Variants in SEL1L2 observed in about 807,000 individuals in gnomAD.
SEL1L2 encodes SEL1L2 adaptor subunit of SYVN1 ubiquitin ligase, also known as protein sel-1 homolog 2.
A neutral mutation model predicts 98.8 loss-of-function variants in SEL1L2; 89 were observed. The ratio of observed to expected loss-of-function variants is 0.90; its 90% CI spans 0.76 to 1.07. The LOEUF (loss-of-function observed/expected upper bound fraction) is 1.07. Among genes scored for constraint, SEL1L2 ranks in the 50% least tolerant of loss-of-function variants. The pLI is 0.00. For missense variants in SEL1L2, 788 were observed against 812.0 expected, an observed-to-expected ratio of 0.97 and a Z score of 0.36; for synonymous variants, 262 against 278.5, an observed-to-expected ratio of 0.94 and a Z score of 0.59.
At chr20:13,863,460 G>C (rs1248610848) in intron 17 of SEL1L2, among the ~76,000 whole-genome samples, 2 of 152,146 alleles carry the variant, frequency 1.3e-5, no homozygotes, top group African/African-American at 4.8e-5. Context: ...ACAGGGCAGT[G>C]ACTGAGTCCT....
intron 19 of SEL1L2, among the ~76,000 whole-genome samples, 195 bp from the exon 20 acceptor site, chr20:13,849,799 C>G (rs536840919): frequency 6.6e-6 from 1 of 152,276 alleles, no homozygotes; most frequent in African/African-American, 2.4e-5. Flanking sequence ...AGAATAACCC[C>G]AAAGATTTAG....
intron 5 of SEL1L2, among the ~76,000 whole-genome samples, chr20:13,889,190 T>C (rs1305914876): frequency 6.6e-6 from 1 of 151,016 alleles, no homozygotes; most frequent in East Asian, 2.0e-4. Flanking sequence ...GCTGACCAGA[T>C]GGGGTTTCAT....
chr20:13,952,715 C>T (rs1031572699), intron 2 of SEL1L2, among the ~76,000 whole-genome samples: 4 of 151,552 alleles, frequency 2.6e-5, no homozygotes, highest in Non-Finnish European at 5.9e-5. Context: ...GCATCCTGAA[C>T]CCCTGGGACT....
intron 5 of SEL1L2, among the ~76,000 whole-genome samples, chr20:13,912,406 T>C (rs1230849813): frequency 6.7e-6 from 1 of 150,326 alleles, no homozygotes; most frequent in African/African-American, 2.4e-5. Flanking sequence ...CAAGCAATTC[T>C]CCTCCTCAGC....
chr20:13,959,589 G>A (rs182843784), intron 1 of SEL1L2, among the ~76,000 whole-genome samples: 2 of 152,082 alleles, frequency 1.3e-5, no homozygotes, highest in East Asian at 3.8e-4. Flanking sequence ...TGTCTCATCC[G>A]CCATATTCAC....
intron 1 of SEL1L2, among the ~76,000 whole-genome samples, chr20:13,968,828 C>T (rs186184029): frequency 3.9e-4 from 59 of 152,156 alleles, no homozygotes; most frequent in Middle Eastern, 3.4e-3. Flanking sequence ...TACAATAGCT[C>T]GACATTAAAT....
intron 3 of SEL1L2, among the ~76,000 whole-genome samples, chr20:13,926,041 G>A (rs1204381910): frequency 2.0e-5 from 3 of 152,320 alleles, no homozygotes; most frequent in African/African-American, 4.8e-5. Context: ...CTTCAGGGCC[G>A]GGAGCCGTGG....
intron 9 of SEL1L2, 139 bp from the exon 10 acceptor site, chr20:13,885,542 A>C: frequency 1.5e-6 from 1 of 657,378 alleles, no homozygotes. Context: ...GAAACATTCC[A>C]GACTATATCA....
intron 5 of SEL1L2, among the ~76,000 whole-genome samples, chr20:13,909,915 G>C (rs1235825769): frequency 1.3e-5 from 2 of 152,060 alleles, no homozygotes; most frequent in African/African-American, 2.4e-5. Context: ...AGGTTGCAGC[G>C]AGCCAAGATC....
intron 2 of SEL1L2, among the ~76,000 whole-genome samples, chr20:13,955,479 T>G (rs534565535): frequency 8.6e-5 from 13 of 151,836 alleles, no homozygotes; most frequent in African/African-American, 3.1e-4. Flanking sequence ...GTATATGCAA[T>G]AACATCAAGA....
In SEL1L2 at chr20:13,859,250, C is replaced by G. The variant is rs1189646958; in HGVS notation, c.1818+12G>C. 1.2e-6 allele frequency: 2 copies of G among 1,612,500 alleles called. No individual in the cohort carries two copies. Among genetic ancestry groups the G allele is most frequent in the African/African-American group, 2.7e-5 (2 of 74,874 alleles). On this transcript the variant is annotated intron_variant, in intron 18 of 19. Transcript: ENST00000284951. ...GTCATTACTAGGTTTGAATTATTAC[C>G]AGCAAAATTACCTTTGTGATGCCTA... is the stretch of plus-strand genomic sequence containing the variant.
intron 17 of SEL1L2, among the ~76,000 whole-genome samples, chr20:13,861,611 T>C (rs926425254): frequency 3.9e-5 from 6 of 152,208 alleles, no homozygotes; most frequent in Non-Finnish European, 5.9e-5. Flanking sequence ...AATTTTAGAA[T>C]ATTTTAATCG....
chr20:13,939,035 G>GTT lies in SEL1L2; in HGVS notation c.115-7266_115-7265dup, dbSNP rs779584914. Among the ~76,000 whole-genome samples, 295 of 31,430 alleles carry GTT rather than the reference G, an allele frequency of 9.4e-3. 26 individuals are homozygous for GTT. The highest frequency in any genetic ancestry group is 0.084 in the South Asian group (69 of 822). The allele number at this position is 31,430 out of a possible 152,430, so 20.6% of individuals were successfully genotyped here. ...TTTTTTCTTTTTGGTTTGTTTGCTT[G>GTT]TTTTGTTTTTTTTTTTTTTTTTTTC... On this transcript the variant is annotated intron_variant, in intron 2 of 19. Coordinates refer to ENST00000284951, the MANE Select transcript of SEL1L2 (RefSeq NM_025229.2).
intron 5 of SEL1L2, among the ~76,000 whole-genome samples, chr20:13,902,510 T>C (rs2047726527): frequency 6.6e-6 from 1 of 152,192 alleles, no homozygotes; most frequent in South Asian, 2.1e-4. Context: ...GCGATCATTA[T>C]TCATTTTGGT....
intron 1 of SEL1L2, among the ~76,000 whole-genome samples, chr20:13,970,151 C>T (rs1252353467): frequency 6.6e-6 from 1 of 151,854 alleles, no homozygotes; most frequent in African/African-American, 2.4e-5. Flanking sequence ...AAAATTTAAC[C>T]AAACTGCCTT....
At chr20:13,861,683 G>C (rs2147784781) in intron 17 of SEL1L2, among the ~76,000 whole-genome samples, 1 of 152,180 alleles carries the variant, frequency 6.6e-6, no homozygotes, top group South Asian at 2.1e-4. Context: ...GTAAAATCAA[G>C]TTATGTTATT....
At chr20:13,913,522 AC>A (rs2148188563) in intron 5 of SEL1L2, 1 of 311,118 alleles carries the variant, frequency 3.2e-6, no homozygotes, top group African/African-American at 2.1e-5. Flanking sequence ...AATCATGCAA[AC>A]ATGTCACCCT....
At position 13,936,748 on chromosome 20, in the gene SEL1L2, G is replaced by A. The variant is rs192895143; in HGVS notation, c.115-4977C>T. ...GTTTAGCTAGCTCTATGTATATTAA[G>A]CCCTTTTTCTATTGCAATTCCCCTG... is the stretch of plus-strand genomic sequence containing the variant. On this transcript the variant is annotated intron_variant, in intron 2 of 19. Coordinates refer to ENST00000284951, the MANE Select transcript of SEL1L2 (RefSeq NM_025229.2). Among the ~76,000 whole-genome samples, 11 of 152,254 alleles carry A rather than the reference G, an allele frequency of 7.2e-5. No homozygotes were observed. In the East Asian group the frequency reaches 1.9e-3, roughly 27 times the overall value.
intron 2 of SEL1L2, among the ~76,000 whole-genome samples, chr20:13,935,310 AAACC>A (rs1324009264): frequency 6.6e-6 from 1 of 152,350 alleles, no homozygotes; most frequent in South Asian, 2.1e-4. Context: ...GGATACAGCC[AAACC>A]AACCAACCAA....
Sources: allele counts gnomAD v4.1 joint callset (sites outside exome capture counted in the v4.1 genomes callset), GRCh38; gene constraint gnomAD v4.1.1; transcripts MANE v1.5; gene names NCBI Gene and HGNC (gene_info 2026-07-23, HGNC 2026-07-21).